Variants in ITPR2 observed in about 807,000 individuals in gnomAD.
ITPR2 encodes inositol 1,4,5-trisphosphate-gated calcium channel ITPR2.
A neutral mutation model predicts 317.1 loss-of-function variants in ITPR2; 207 were observed. The ratio of observed to expected loss-of-function variants is 0.65; its 90% CI spans 0.58 to 0.73. ITPR2 has a LOEUF of 0.73. Among genes scored for constraint, ITPR2 ranks in the 30% least tolerant of loss-of-function variants. The pLI is 0.00. For synonymous variants in ITPR2, 1,156 were observed against 1,149.1 expected (o/e 1.01, Z -0.12); for missense variants, 2,613 against 3,284.0 (o/e 0.80, Z 4.99).
intron 22 of ITPR2, among the ~76,000 whole-genome samples, chr12:26,629,513 G>A (rs1472821649): frequency 6.6e-6 from 1 of 151,364 alleles, no homozygotes; most frequent in Non-Finnish European, 1.5e-5. Flanking sequence ...TTGAACCCAC[G>A]ACCTCAAGGC....
At chr12:26,540,034 G>A (rs1204089479) in intron 37 of ITPR2, among the ~76,000 whole-genome samples, 6 of 152,176 alleles carry the variant, frequency 3.9e-5, no homozygotes, top group Non-Finnish European at 7.3e-5. Flanking sequence ...AAGATCAACA[G>A]TCTCTGCTTT....
In ITPR2 at chr12:26,368,541, C is replaced by T. The variant is rs1053435795; in HGVS notation, c.7857+18893G>A. On this transcript the variant is annotated intron_variant, in intron 55 of 56. Transcript: ENST00000381340. Reference sequence around the variant, plus strand: ...AAGGCTCAGAGAGGTTAAGCAAATTCCCCAAGGTCACACAGCTAGGAAATG... The same window carrying T: ...AAGGCTCAGAGAGGTTAAGCAAATTTCCCAAGGTCACACAGCTAGGAAATG... Among the ~76,000 whole-genome samples, 7 of 152,104 alleles carry T rather than the reference C, an allele frequency of 4.6e-5. No homozygotes were observed. The East Asian group carries it at 1.3e-3, about 29-fold the overall frequency.
At chr12:26,788,943 G>A (rs1231954744) in intron 2 of ITPR2, among the ~76,000 whole-genome samples, 2 of 152,084 alleles carry the variant, frequency 1.3e-5, no homozygotes, top group Admixed American at 6.5e-5. Flanking sequence ...CACACTTCCT[G>A]CATTGTCTCT....
intron 2 of ITPR2, among the ~76,000 whole-genome samples, chr12:26,740,327 C>T (rs1949208663): frequency 2.6e-5 from 4 of 152,090 alleles, no homozygotes; most frequent in Admixed American, 2.6e-4. Flanking sequence ...TTGAAACACA[C>T]CAAATATGTT....
At chr12:26,483,932 CA>C (rs1312842895) in intron 41 of ITPR2, 34 bp from the exon 42 acceptor site, 40 of 1,551,740 alleles carry the variant, frequency 2.6e-5, no homozygotes, top group African/African-American at 5.4e-5. Flanking sequence ...TGAAGGGTTA[CA>C]AAAATTCACT....
chr12:26,361,234 T>C (rs1364486052), intron 55 of ITPR2, among the ~76,000 whole-genome samples: 1 of 150,800 alleles, frequency 6.6e-6, no homozygotes, highest in African/African-American at 2.4e-5. Flanking sequence ...ATGTTACCAA[T>C]AGCTTCATGT....
intron 2 of ITPR2, among the ~76,000 whole-genome samples, chr12:26,758,985 T>A (rs944882237): frequency 6.6e-6 from 1 of 152,196 alleles, no homozygotes; most frequent in East Asian, 1.9e-4. Context: ...ACTTAAACCT[T>A]CTGGACATCA....
At chr12:26,739,078 A>C (rs977936216) in intron 2 of ITPR2, among the ~76,000 whole-genome samples, 1 of 152,262 alleles carries the variant, frequency 6.6e-6, no homozygotes, top group East Asian at 1.9e-4. Flanking sequence ...ACTGGTCATT[A>C]GAGAAATGCA....
At chr12:26,565,484 T>TA (rs529077926) in intron 34 of ITPR2, among the ~76,000 whole-genome samples, 4 of 138,744 alleles carry the variant, frequency 2.9e-5, no homozygotes, top group Non-Finnish European at 4.8e-5. Flanking sequence ...GATAGACAGA[T>TA]GATAGATAGA....
At chr12:26,566,065 G>A in intron 34 of ITPR2, among the ~76,000 whole-genome samples, 1 of 136,616 alleles carries the variant, frequency 7.3e-6, no homozygotes, top group Non-Finnish European at 1.6e-5. Context: ...AGGAGAAGGA[G>A]AGGAAAGGAG....
chr12:26,391,332 C>T (rs573228211), intron 54 of ITPR2, among the ~76,000 whole-genome samples: 6 of 152,154 alleles, frequency 3.9e-5, no homozygotes, highest in Admixed American at 1.3e-4. Flanking sequence ...GACTCTAAAG[C>T]CCATGTTCTT....
chr12:26,573,031 T>TTATA (rs1251086467), intron 34 of ITPR2, among the ~76,000 whole-genome samples: 2 of 151,470 alleles, frequency 1.3e-5, no homozygotes, highest in Non-Finnish European at 2.9e-5. Context: ...ATTTATTTAT[T>TTATA]TATTTATTTT....
Position 26,655,646 on chromosome 12 carries a change from T to C in ITPR2, c.2589+62A>G, listed in dbSNP as rs995000528. 641 of 972,408 alleles carry C rather than the reference T, an allele frequency of 6.6e-4. 2 individuals carry two copies. The highest frequency in any genetic ancestry group is 9.3e-4 in the Non-Finnish European group (622 of 670,574). 60.2% of individuals were successfully genotyped at this position (972,408 alleles called of 1,614,324 possible). A position where few individuals can be genotyped will look rare whatever the true frequency, so the allele number is the denominator to read the frequency against. On this transcript the variant is annotated intron_variant, in intron 20 of 56. Coordinates refer to ENST00000381340, the MANE Select transcript of ITPR2 (RefSeq NM_002223.4). The stretch of plus-strand genomic sequence containing the variant: ...AAAAAAAAAAAAGCAGAGAAAATAA[T>C]ACCTTCATGAACTAAACTACCCAGT...
intron 49 of ITPR2, among the ~76,000 whole-genome samples, chr12:26,424,586 G>GTTTTTTTTTTTTTTTTTTTTTTTTT (rs775756580): frequency 1.1e-5 from 1 of 88,706 alleles, no homozygotes. Flanking sequence ...TTCGTTTTGT[G>GTTTTTTTTTTTTTTTTTTTTTTTTT]TTTTTTTTTT....
intron 30 of ITPR2, among the ~76,000 whole-genome samples, chr12:26,597,911 G>C (rs1306192695): frequency 1.3e-5 from 2 of 152,106 alleles, no homozygotes; most frequent in African/African-American, 4.8e-5. Context: ...TATATTTAAA[G>C]TGACAATATA....
At chr12:26,652,438 T>A (rs1349306698) in intron 21 of ITPR2, among the ~76,000 whole-genome samples, 2 of 152,212 alleles carry the variant, frequency 1.3e-5, no homozygotes, top group Non-Finnish European at 2.9e-5. Context: ...AACTAGGTAT[T>A]TCTTCTTTAT....
At chr12:26,406,883 A>C (rs1940371075) in intron 52 of ITPR2, among the ~76,000 whole-genome samples, 1 of 152,230 alleles carries the variant, frequency 6.6e-6, no homozygotes, top group African/African-American at 2.4e-5. Flanking sequence ...TCAAATACAA[A>C]AAGTGTATGG....
intron 2 of ITPR2, among the ~76,000 whole-genome samples, chr12:26,780,015 G>A (rs1369448453): frequency 6.6e-6 from 1 of 152,106 alleles, no homozygotes; most frequent in Non-Finnish European, 1.5e-5. Context: ...ATAATCAAGT[G>A]GATAGGATGA....
rs2136647499 is a variant in ITPR2 at position 26,398,791 on chromosome 12, A to G, written c.7696+85T>C. ...TTCATTTTGAAATAATTTTTCCGAAAGCATGAAAAATAAAAATCCCTCTAG... is the reference window on the plus strand; with the variant it reads ...TTCATTTTGAAATAATTTTTCCGAAGGCATGAAAAATAAAAATCCCTCTAG... On this transcript the variant is annotated intron_variant, in intron 54 of 56. Transcript: ENST00000381340. 3.4e-6 allele frequency: 4 copies of G among 1,160,904 alleles called. No homozygotes were observed. The South Asian group carries it at 6.0e-5, about 17-fold the overall frequency. 71.9% of individuals were successfully genotyped at this position (1,160,904 alleles called of 1,614,324 possible).
Sources: allele counts gnomAD v4.1 joint callset (sites outside exome capture counted in the v4.1 genomes callset), GRCh38; gene constraint gnomAD v4.1.1; transcripts MANE v1.5; gene names NCBI Gene and HGNC (gene_info 2026-07-23, HGNC 2026-07-21).